Variants in TACR3 observed in about 807,000 individuals in gnomAD.
TACR3 encodes the protein tachykinin receptor 3, also known as neuromedin-K receptor.
A neutral mutation model predicts 35.0 loss-of-function variants in TACR3; 34 were observed. The observed-to-expected ratio is 0.97, with a 90% CI of 0.74 to 1.30. The LOEUF is 1.30. Among genes scored for constraint, TACR3 ranks in the 50% most tolerant of loss-of-function variants. The pLI is 0.00. For missense variants in TACR3, 558 were observed against 591.7 expected, an observed-to-expected ratio of 0.94 and a Z score of 0.59; for synonymous variants, 233 against 221.1, an observed-to-expected ratio of 1.05 and a Z score of -0.48.
chr4:103,716,753 A>T (rs1486557610), intron 1 of TACR3, among the ~76,000 whole-genome samples: 3 of 152,216 alleles, frequency 2.0e-5, no homozygotes, highest in African/African-American at 7.2e-5. Flanking sequence ...AACAAAGCGA[A>T]TTGAATATAT....
At chr4:103,604,822 TC>T (rs1366852626) in intron 3 of TACR3, among the ~76,000 whole-genome samples, 1 of 145,348 alleles carries the variant, frequency 6.9e-6, no homozygotes, top group African/African-American at 2.8e-5. Flanking sequence ...AGATAATAAT[TC>T]TTTTTTTTTT....
chr4:103,656,123 T>A (rs1186453227), intron 3 of TACR3, 71 bp downstream of exon 3: 1 of 1,557,124 alleles, frequency 6.4e-7, no homozygotes, highest in Admixed American at 1.7e-5. Context: ...TAACATGCCA[T>A]GACTAGATTG....
chr4:103,624,476 G>A (rs1169784878), intron 3 of TACR3: 1 of 151,862 alleles, frequency 6.6e-6, no homozygotes, highest in Non-Finnish European at 1.5e-5. Flanking sequence ...TTAAAGACAG[G>A]CTTGAGAGGC....
At position 103,662,475 on chromosome 4, in the gene TACR3, C is replaced by T. The variant is rs184057825; in HGVS notation, c.549-4072G>A. 2.6e-3 allele frequency among the ~76,000 whole-genome samples: 399 copies of T among 152,274 alleles called. 1 individual carries two copies. Among genetic ancestry groups the T allele is most frequent in the Middle Eastern group, 6.8e-3 (2 of 294 alleles). ...CCTCAGGTGATCTGCCTGCCTCAGC[C>T]TCCCAAAGTTCTGGGATTACAGGCA... On this transcript the variant is annotated intron_variant, in intron 1 of 4. Transcript: ENST00000304883.
intron 1 of TACR3, among the ~76,000 whole-genome samples, chr4:103,675,044 A>G (rs1560526512): frequency 6.6e-6 from 1 of 152,178 alleles, no homozygotes; most frequent in Non-Finnish European, 1.5e-5. Context: ...AAAAATGAAC[A>G]CTTTTTTGAG....
intron 1 of TACR3, among the ~76,000 whole-genome samples, chr4:103,668,087 C>T (rs543685263): frequency 7.2e-5 from 11 of 152,272 alleles, no homozygotes; most frequent in Non-Finnish European, 1.5e-4. Flanking sequence ...CCACCTCAGT[C>T]TCCCAAATTG....
rs754018783 is a variant in TACR3, at chr4:103,666,483, TTATAAA to T, written c.549-8086_549-8081del. The stretch of plus-strand genomic sequence containing the variant: ...AAACATGACCTCATTAATATATTGA[TTATAAA>T]TATAAATTTTCTATTTTAACAATAA... On this transcript the variant is annotated intron_variant, in intron 1 of 4. Coordinates refer to ENST00000304883, the MANE Select transcript of TACR3 (RefSeq NM_001059.3). Among the ~76,000 whole-genome samples, 15 of 152,292 alleles carry T rather than the reference TTATAAA, an allele frequency of 9.8e-5. No individual in the cohort carries two copies. The Middle Eastern group carries it at 0.014, about 138-fold the overall frequency.
chr4:103,688,309 A>G (rs1722307303), intron 1 of TACR3, among the ~76,000 whole-genome samples: 1 of 152,176 alleles, frequency 6.6e-6, no homozygotes, highest in Admixed American at 6.5e-5. Context: ...AAGAAAACCT[A>G]CGCATTGCCA....
chr4:103,604,620 A>G (rs1489535489), intron 3 of TACR3, among the ~76,000 whole-genome samples: 1 of 152,092 alleles, frequency 6.6e-6, no homozygotes, highest in Non-Finnish European at 1.5e-5. Flanking sequence ...GAATGGGAGA[A>G]TTTTTTTGCA....
intron 3 of TACR3, among the ~76,000 whole-genome samples, chr4:103,596,159 A>G (rs1356634391): frequency 6.8e-6 from 1 of 147,808 alleles, no homozygotes; most frequent in African/African-American, 2.5e-5. Context: ...ATTGTTGGAC[A>G]TTTGGGGTGG....
chr4:103,705,782 A>G (rs1722774133), intron 1 of TACR3, among the ~76,000 whole-genome samples: 1 of 152,208 alleles, frequency 6.6e-6, no homozygotes, highest in African/African-American at 2.4e-5. Flanking sequence ...GCAAAAAGAT[A>G]GGATCATCCA....
At chr4:103,666,024 G>C (rs532907711) in intron 1 of TACR3, among the ~76,000 whole-genome samples, 2 of 152,132 alleles carry the variant, frequency 1.3e-5, no homozygotes, top group South Asian at 4.1e-4. Context: ...TACATCATGG[G>C]TGACTCTTCA....
At chr4:103,590,120 G>C in intron 4 of TACR3, 126 bp from the exon 5 acceptor site, 1 of 1,134,482 alleles carries the variant, frequency 8.8e-7, no homozygotes, top group South Asian at 1.3e-5. Context: ...TTTTTAGCCA[G>C]ACTCTTAGAA....
In TACR3 at chr4:103,719,159, T is replaced by C; in HGVS notation, c.517A>G (p.Ile173Val). 1 of 1,614,198 alleles carries C rather than the reference T, an allele frequency of 6.2e-7. No homozygotes were observed. Among genetic ancestry groups the C allele is most frequent in the Non-Finnish European group, 8.5e-7 (1 of 1,180,030 alleles). ...ACCGCAATGGCCGTCATGGAGTAGA[T>C]GCTGGCGAACACAGCTGTGATAGGA... ...FFPITAVFAS[I>V]YSMTAIAVDR... Residue 173 changes from isoleucine to valine, a missense_variant, in exon 1 of 5, where the codon ATC becomes GTC. Physicochemically the swap from Ile to Val is conservative, Grantham distance 29 (BLOSUM62 3). Coordinates refer to ENST00000304883, the MANE Select transcript of TACR3 (RefSeq NM_001059.3).
At chr4:103,662,593 A>T (rs1725855614) in intron 1 of TACR3, among the ~76,000 whole-genome samples, 1 of 152,152 alleles carries the variant, frequency 6.6e-6, no homozygotes, top group Non-Finnish European at 1.5e-5. Flanking sequence ...CCAGTATCAC[A>T]GACCTTATTT....
chr4:103,598,867 T>C (rs1302836995), intron 3 of TACR3, among the ~76,000 whole-genome samples: 1 of 152,204 alleles, frequency 6.6e-6, no homozygotes, highest in Non-Finnish European at 1.5e-5. Flanking sequence ...CCTTGTAGTA[T>C]AGTTTGAAGT....
chr4:103,629,872 C>CAAAAAA (rs1157154870), intron 3 of TACR3, among the ~76,000 whole-genome samples: 3 of 104,120 alleles, frequency 2.9e-5, no homozygotes, highest in Non-Finnish European at 2.0e-5. Context: ...AAAAAAAAAA[C>CAAAAAA]AAAAAAAACA....
At chr4:103,663,466 C>G (rs1725876146) in intron 1 of TACR3, among the ~76,000 whole-genome samples, 1 of 151,922 alleles carries the variant, frequency 6.6e-6, no homozygotes, top group Admixed American at 6.6e-5. Context: ...TGCCCTCCAG[C>G]CTGAGTGACA....
At chr4:103,682,189 T>G (rs233977) in intron 1 of TACR3, among the ~76,000 whole-genome samples, 1 of 152,074 alleles carries the variant, frequency 6.6e-6, no homozygotes, top group East Asian at 1.9e-4. Flanking sequence ...CTGTAGTGCA[T>G]TGTGCAGTCA....
Sources: allele counts gnomAD v4.1 joint callset (sites outside exome capture counted in the v4.1 genomes callset), GRCh38; gene constraint gnomAD v4.1.1; transcripts MANE v1.5; gene names NCBI Gene and HGNC (gene_info 2026-07-23, HGNC 2026-07-21).